VWDE: variants seen among roughly 807,000 people sequenced by gnomAD.
VWDE encodes the protein von Willebrand factor D and EGF domains.
In VWDE, 207 loss-of-function variants were observed where a neutral mutation model predicts 178.4. That is an observed-to-expected ratio of 1.16 (90% CI 1.04 to 1.30). The LOEUF (loss-of-function observed/expected upper bound fraction) is 1.30. Among genes scored for constraint, VWDE ranks in the 50% most tolerant of loss-of-function variants. The pLI, the probability that VWDE is intolerant of heterozygous loss-of-function variation, is 0.00. For missense variants in VWDE, 2,287 were observed against 1,901.3 expected (o/e 1.20, Z -3.77); for synonymous variants, 738 against 651.4 (o/e 1.13, Z -2.02).
At chr7:12,347,726 T>C (rs1202771920) in intron 19 of VWDE, among the ~76,000 whole-genome samples, 1 of 151,962 alleles carries the variant, frequency 6.6e-6, no homozygotes, top group Non-Finnish European at 1.5e-5. Flanking sequence ...AAAACTACTT[T>C]AAAGTTCATA....
intron 3 of VWDE, among the ~76,000 whole-genome samples, chr7:12,384,943 T>C (rs1433507518): frequency 1.3e-5 from 2 of 152,094 alleles, no homozygotes; most frequent in African/African-American, 4.8e-5. Flanking sequence ...CTAACTTTAA[T>C]TGATATGATG....
rs1321535770 is a variant in VWDE, at chr7:12,357,385, A to T, written c.3405T>A (p.Pro1135=). 6.4e-7 allele frequency: 1 copy of T among 1,551,868 alleles called. No homozygotes were observed. The highest frequency in any genetic ancestry group is 1.2e-5 in the South Asian group (1 of 84,066). Residue 1135 remains proline (P), a synonymous_variant, in exon 17 of 29, where the codon CCT becomes CCA. Transcript: ENST00000275358. The part of the protein sequence containing the change: ...SDIHFTLDSG[P]EGASVSSAGL... Reference sequence around the variant, plus strand: ...CTGCAGAGGAAACACTTGCCCCTTCAGGACCAGAGTCCAACGTAAAATGGA... The same window carrying T: ...CTGCAGAGGAAACACTTGCCCCTTCTGGACCAGAGTCCAACGTAAAATGGA...
At chr7:12,375,960 C>G (rs1783505607) in intron 7 of VWDE, among the ~76,000 whole-genome samples, 1 of 152,052 alleles carries the variant, frequency 6.6e-6, no homozygotes, top group South Asian at 2.1e-4. Context: ...AGTATGCTAT[C>G]ATATCCAATT....
chr7:12,333,384 T>C, intron 28 of VWDE, 81 bp downstream of exon 28: 1 of 800,986 alleles, frequency 1.2e-6, no homozygotes, highest in Non-Finnish European at 1.9e-6. Context: ...AAAAAAACAT[T>C]AATTAGTAAC....
At chr7:12,378,598 G>C (rs1783669592) in intron 6 of VWDE, among the ~76,000 whole-genome samples, 1 of 152,092 alleles carries the variant, frequency 6.6e-6, no homozygotes, top group African/African-American at 2.4e-5. Flanking sequence ...AGGGTACAAG[G>C]GTGGGGGTGC....
rs536852372 is a variant in VWDE, at chr7:12,396,363, C to A, written c.59-2585G>T. On this transcript the variant is annotated intron_variant, in intron 1 of 28. Coordinates refer to ENST00000275358, the MANE Select transcript of VWDE (RefSeq NM_001135924.3). ...ATTTTTAAGAGATAAACATGCATAA[C>A]CCTTGGTGACAGGTACTTCATAATA... Among the ~76,000 whole-genome samples, 16 of 151,984 alleles carry A rather than the reference C, an allele frequency of 1.1e-4. No homozygotes were observed. In the South Asian group the frequency reaches 3.3e-3, roughly 31 times the overall value.
chr7:12,380,956 T>C (rs189276900), intron 4 of VWDE, among the ~76,000 whole-genome samples: 11 of 152,334 alleles, frequency 7.2e-5, no homozygotes, highest in Non-Finnish European at 1.5e-5. Context: ...CTCAAGCTTA[T>C]ATTAATGCAG....
chr7:12,354,350 C>A, intron 18 of VWDE: 1 of 419,838 alleles, frequency 2.4e-6, no homozygotes, highest in South Asian at 1.8e-5. Flanking sequence ...AAACTTTTAC[C>A]ATGGCATATT....
chr7:12,340,290 G>C, intron 24 of VWDE, 32 bp downstream of exon 24: 2 of 1,479,690 alleles, frequency 1.4e-6, no homozygotes, highest in Non-Finnish European at 1.8e-6. Flanking sequence ...CTTTCCATTT[G>C]CCCTTTTTAC....
intron 3 of VWDE, chr7:12,388,820 TTTAA>T (rs1448043299): frequency 6.2e-6 from 3 of 485,596 alleles, no homozygotes; most frequent in African/African-American, 6.0e-5. Context: ...TTCTTCATCC[TTTAA>T]TTAAAACAGG....
intron 19 of VWDE, among the ~76,000 whole-genome samples, chr7:12,346,860 A>C (rs1781631059): frequency 6.6e-6 from 1 of 152,132 alleles, no homozygotes; most frequent in Admixed American, 6.6e-5. Context: ...AATGCTTCTC[A>C]AAGCATTAAG....
intron 13 of VWDE, 106 bp from the exon 14 acceptor site, chr7:12,361,627 T>C: frequency 9.7e-7 from 1 of 1,029,478 alleles, no homozygotes; most frequent in East Asian, 2.8e-5. Context: ...ATGCCTAGTA[T>C]AATGTAATAT....
At position 12,393,660 on chromosome 7, in the gene VWDE, G is replaced by T; in HGVS notation, c.177C>A (p.Leu59=). ...TGAGAAATCTATACCATCCAGGGGAGAGGGAATGGTCACATATTAGGTCTT... is the reference window on the plus strand; with the variant it reads ...TGAGAAATCTATACCATCCAGGGGATAGGGAATGGTCACATATTAGGTCTT... The part of the protein sequence containing the change: ...AVQDLICDHS[L]SPGWYRFLIL... The change falls in exon 2 of 29, where the codon CTC becomes CTA. Residue 59 remains leucine, a synonymous_variant. Transcript: ENST00000275358. 1 of 1,551,270 alleles carries T rather than the reference G, an allele frequency of 6.4e-7. No homozygotes were observed. Among genetic ancestry groups the T allele is most frequent in the Non-Finnish European group, 8.7e-7 (1 of 1,146,690 alleles).
intron 1 of VWDE, among the ~76,000 whole-genome samples, chr7:12,396,125 AAAT>A (rs1784611208): frequency 6.6e-6 from 1 of 152,182 alleles, no homozygotes; most frequent in Admixed American, 6.5e-5. Flanking sequence ...GTCAAGTTAG[AAAT>A]AATAGATCCA....
Position 12,331,128 on chromosome 7 carries a change from A to G in VWDE, c.*55T>C, listed in dbSNP as rs897308203. 6.8e-7 allele frequency: 1 copy of G among 1,470,136 alleles called. No individual in the cohort carries two copies. 91.1% of individuals were successfully genotyped at this position (1,470,136 alleles called of 1,614,324 possible). ...CCAAGTTATCTCCAACTTTTTCTGA[A>G]CAAAATATTTCCATTCTTAAGATAC... On this transcript the variant is annotated 3_prime_UTR_variant, in exon 29 of 29. Transcript: ENST00000275358.
In VWDE at chr7:12,367,490, T is replaced by C. The variant is rs751011664; in HGVS notation, c.2765A>G (p.Lys922Arg). ...SSYDCSDSYDKAPEITELGNA... is the reference protein window; with the variant it reads ...SSYDCSDSYDRAPEITELGNA... ...CCCAAGCTCTGTAATTTCAGGAGCT[T>C]TGTCTTTGGAAAAAAAATATAACAA... is the stretch of plus-strand genomic sequence containing the variant. The change falls in exon 13 of 29, where the codon AAA becomes AGA. Residue 922 changes from lysine (K) to arginine (R), a missense_variant. By Grantham distance (26) the Lys-to-Arg change is conservative. Transcript: ENST00000275358. 1 of 1,498,252 alleles carries C rather than the reference T, an allele frequency of 6.7e-7. No homozygotes were observed. The highest frequency in any genetic ancestry group is 1.4e-5 in the South Asian group (1 of 74,030). 92.8% of individuals were successfully genotyped at this position (1,498,252 alleles called of 1,614,324 possible).
At chr7:12,373,281 T>C (rs552962286) in intron 9 of VWDE, 34 bp from the exon 10 acceptor site, 1 of 1,540,216 alleles carries the variant, frequency 6.5e-7, no homozygotes, top group African/African-American at 1.4e-5. Context: ...CATTAAAAAA[T>C]CGTGTAAAAT....
intron 3 of VWDE, among the ~76,000 whole-genome samples, chr7:12,388,390 T>C (rs1436373498): frequency 1.6e-5 from 2 of 123,968 alleles, no homozygotes; most frequent in East Asian, 4.5e-4. Flanking sequence ...AATTAGTAGA[T>C]TTTTTTTTTC....
At chr7:12,351,471 T>C (rs1465623082) in intron 19 of VWDE, 102 bp downstream of exon 19, 1 of 1,281,558 alleles carries the variant, frequency 7.8e-7, no homozygotes, top group African/African-American at 1.5e-5. Context: ...TTAGGTGATC[T>C]TTCTAAAAAT....
Sources: gnomAD v4.1 joint callset for allele counts (sites outside exome capture counted in the v4.1 genomes callset) on GRCh38, gnomAD v4.1.1 for gene constraint, MANE v1.5 for transcripts, NCBI Gene and HGNC (gene_info 2026-07-23, HGNC 2026-07-21) for gene names.